Variants in SGCZ observed in about 807,000 individuals in gnomAD.
The protein encoded by SGCZ is sarcoglycan zeta.
Under a neutral mutation model 41.3 loss-of-function variants are expected in SGCZ, and 40 were observed. The ratio of observed to expected loss-of-function variants is 0.97; its 90% CI spans 0.75 to 1.26. SGCZ has a LOEUF of 1.26. Ranked by LOEUF, SGCZ falls within the 50% of genes most tolerant of loss-of-function variation. SGCZ has a pLI of 0.00. For missense variants in SGCZ, 552 were observed against 369.8 expected (o/e 1.49, Z -4.04); for synonymous variants, 206 against 137.5 (o/e 1.50, Z -3.49).
At chr8:14,393,560 C>T (rs1368631464) in intron 2 of SGCZ, among the ~76,000 whole-genome samples, 1 of 152,174 alleles carries the variant, frequency 6.6e-6, no homozygotes, top group Admixed American at 6.6e-5. Context: ...CAGACACTGC[C>T]TCCTCAAACT....
intron 2 of SGCZ, among the ~76,000 whole-genome samples, chr8:14,416,903 A>G (rs899711028): frequency 2.0e-5 from 3 of 151,864 alleles, no homozygotes; most frequent in Non-Finnish European, 4.4e-5. Flanking sequence ...ATGGATTATT[A>G]TTATGAGGAA....
chr8:14,278,847 G>A (rs774825635), intron 3 of SGCZ, among the ~76,000 whole-genome samples: 12 of 152,034 alleles, frequency 7.9e-5, no homozygotes, highest in Non-Finnish European at 1.3e-4. Context: ...CTCAAAACAC[G>A]CACAGAAACA....
At chr8:14,283,501 C>G (rs1177010491) in intron 3 of SGCZ, among the ~76,000 whole-genome samples, 5 of 152,210 alleles carry the variant, frequency 3.3e-5, no homozygotes, top group Non-Finnish European at 1.5e-5. Context: ...TCTCAACACT[C>G]TTTTCATATA....
chr8:14,382,985 A>T (rs1484852922), intron 2 of SGCZ, among the ~76,000 whole-genome samples: 1 of 152,128 alleles, frequency 6.6e-6, no homozygotes, highest in East Asian at 1.9e-4. Flanking sequence ...CCCCTGAGAG[A>T]AAACATATGT....
intron 1 of SGCZ, among the ~76,000 whole-genome samples, chr8:15,235,916 G>A (rs1802104012): frequency 6.6e-6 from 1 of 152,150 alleles, no homozygotes; most frequent in South Asian, 2.1e-4. Flanking sequence ...CTTCTCCCAA[G>A]AGACTGGGAT....
chr8:14,285,449 G>A (rs774010130), intron 3 of SGCZ, among the ~76,000 whole-genome samples: 3 of 152,048 alleles, frequency 2.0e-5, no homozygotes, highest in Non-Finnish European at 4.4e-5. Context: ...CCAGAAATCT[G>A]AAGCTTCTTA....
At chr8:15,092,698 C>A (rs1423863038) in intron 1 of SGCZ, among the ~76,000 whole-genome samples, 6 of 152,006 alleles carry the variant, frequency 3.9e-5, no homozygotes, top group Non-Finnish European at 5.9e-5. Flanking sequence ...TCAAAAGAAC[C>A]AAGAAAATCA....
intron 1 of SGCZ, among the ~76,000 whole-genome samples, chr8:14,937,913 T>C (rs1313736679): frequency 6.6e-6 from 1 of 152,108 alleles, no homozygotes; most frequent in Non-Finnish European, 1.5e-5. Flanking sequence ...TATAAGACAT[T>C]GGATATAATA....
intron 1 of SGCZ, among the ~76,000 whole-genome samples, chr8:14,778,407 G>A (rs1367449843): frequency 6.6e-6 from 1 of 152,086 alleles, no homozygotes; most frequent in Non-Finnish European, 1.5e-5. Context: ...GCATGAATTT[G>A]TAAATGAACT....
At chr8:14,331,558 C>G (rs865978937) in intron 2 of SGCZ, among the ~76,000 whole-genome samples, 11 of 152,126 alleles carry the variant, frequency 7.2e-5, no homozygotes, top group African/African-American at 1.7e-4. Flanking sequence ...GAAATAAACT[C>G]TATAGTGGTA....
At chr8:14,442,459 T>G (rs1452221032) in intron 2 of SGCZ, among the ~76,000 whole-genome samples, 1 of 152,170 alleles carries the variant, frequency 6.6e-6, no homozygotes, top group Non-Finnish European at 1.5e-5. Context: ...AATTACCCAG[T>G]ATCAGGTATG....
chr8:14,732,278 T>C (rs11989568), intron 1 of SGCZ, among the ~76,000 whole-genome samples: 53,021 of 151,956 alleles, frequency 0.35, 10,774 homozygotes, highest in African/African-American at 0.56. Flanking sequence ...TTTCAAGGAA[T>C]GACAGGATAC....
At chr8:14,413,358 C>T (rs1029518165) in intron 2 of SGCZ, among the ~76,000 whole-genome samples, 1 of 151,660 alleles carries the variant, frequency 6.6e-6, no homozygotes, top group Non-Finnish European at 1.5e-5. Flanking sequence ...ACTTTTTAAG[C>T]TATTTATATG....
chr8:15,219,776 G>C (rs1013503903), intron 1 of SGCZ, among the ~76,000 whole-genome samples: 1 of 152,150 alleles, frequency 6.6e-6, no homozygotes, highest in Non-Finnish European at 1.5e-5. Flanking sequence ...GTCTCATTAT[G>C]AATTTGAAGG....
At chr8:14,866,048 A>G (rs1366621549) in intron 1 of SGCZ, among the ~76,000 whole-genome samples, 1 of 152,112 alleles carries the variant, frequency 6.6e-6, no homozygotes, top group East Asian at 1.9e-4. Flanking sequence ...GAATGTTAAT[A>G]AGGAGGTATT....
At chr8:14,301,056 A>G (rs1386953757) in intron 3 of SGCZ, among the ~76,000 whole-genome samples, 1 of 119,020 alleles carries the variant, frequency 8.4e-6, no homozygotes, top group Non-Finnish European at 1.8e-5. Context: ...TAGAAACACA[A>G]GAAAATCATC....
intron 3 of SGCZ, among the ~76,000 whole-genome samples, chr8:14,259,164 A>G (rs1203707055): frequency 6.6e-6 from 1 of 152,204 alleles, no homozygotes; most frequent in African/African-American, 2.4e-5. Context: ...TCAATTTGTT[A>G]TGAAGTTTTC....
intron 1 of SGCZ, among the ~76,000 whole-genome samples, chr8:14,564,773 G>A (rs1804308860): frequency 6.6e-6 from 1 of 152,086 alleles, no homozygotes; most frequent in African/African-American, 2.4e-5. Context: ...TTTGTTTTCT[G>A]CTCCAACAAA....
At chr8:15,005,659 G>A (rs1184035114) in intron 1 of SGCZ, among the ~76,000 whole-genome samples, 1 of 150,562 alleles carries the variant, frequency 6.6e-6, no homozygotes, top group Non-Finnish European at 1.5e-5. Flanking sequence ...TTTTACCAGA[G>A]TCTCTGTAAA....
Sources: gnomAD v4.1 joint callset for allele counts (sites outside exome capture counted in the v4.1 genomes callset) on GRCh38, gnomAD v4.1.1 for gene constraint, MANE v1.5 for transcripts, NCBI Gene and HGNC (gene_info 2026-07-23, HGNC 2026-07-21) for gene names.